The following ANKFN1 variants were observed in gnomAD, a reference collection of about 807,000 sequenced individuals.
ANKFN1 encodes the protein ankyrin repeat and fibronectin type-III domain-containing protein 1.
Under a neutral mutation model 108.7 loss-of-function variants are expected in ANKFN1, and 74 were observed. The ratio of observed to expected loss-of-function variants is 0.68; its 90% CI spans 0.56 to 0.83. The LOEUF (loss-of-function observed/expected upper bound fraction) is 0.83. Among genes scored for constraint, ANKFN1 ranks in the 40% least tolerant of loss-of-function variants. The probability of loss-of-function intolerance (pLI) is 0.00; values close to 1 mark genes in which losing one functional copy is unlikely to be tolerated. For synonymous variants in ANKFN1, 547 were observed against 516.2 expected, an observed-to-expected ratio of 1.06 and a Z score of -0.81; for missense variants, 1,505 against 1,382.3, an observed-to-expected ratio of 1.09 and a Z score of -1.41.
At chr17:56,510,384 G>A in intron 20 of ANKFN1, 89 bp from the exon 21 acceptor site, 1 of 1,100,538 alleles carries the variant, frequency 9.1e-7, no homozygotes, top group East Asian at 2.6e-5. Flanking sequence ...CCCCTTCTAA[G>A]TGCGGGGTCA....
intron 1 of ANKFN1, among the ~76,000 whole-genome samples, chr17:56,170,798 A>ATATG (rs1910604554): frequency 8.7e-6 from 1 of 114,668 alleles, no homozygotes; most frequent in Non-Finnish European, 1.7e-5. Flanking sequence ...ATATATATAT[A>ATATG]TATATATATA....
chr17:56,351,084 A>C, intron 5 of ANKFN1, 117 bp downstream of exon 5: 1 of 982,028 alleles, frequency 1.0e-6, no homozygotes, highest in Non-Finnish European at 1.5e-6. Flanking sequence ...AATTTTATAA[A>C]TGCTGGAATA....
chr17:56,458,043 A>G (rs1280843021), intron 14 of ANKFN1, 64 bp downstream of exon 14: 4 of 1,328,482 alleles, frequency 3.0e-6, no homozygotes, highest in Non-Finnish European at 4.3e-6. Context: ...AAATTCAGTT[A>G]CCAGTCCTAC....
chr17:56,353,878 C>CAGG lies in ANKFN1; in HGVS notation c.435_437dup (p.Gln145_Asp146insGlu), dbSNP rs760908969. ...AGCCATGTTTGAGGCAGTCGAACAG[C>CAGG]AGGACATGGATGCTGTGCAGATCCT... On this transcript the variant is annotated inframe_insertion, in exon 6 of 21. Transcript: ENST00000682825. 6.2e-7 allele frequency: 1 copy of CAGG among 1,613,982 alleles called. No homozygotes were observed. The highest frequency in any genetic ancestry group is 1.3e-5 in the African/African-American group (1 of 75,028).
chr17:56,115,021 T>G (rs1020470843), intron 4 of ANKFN1, among the ~76,000 whole-genome samples: 7 of 152,228 alleles, frequency 4.6e-5, no homozygotes, highest in Admixed American at 3.9e-4. Context: ...GTAGCAACAC[T>G]TTGATTTTAG....
At chr17:56,495,196 C>G (rs2051160734) in intron 19 of ANKFN1, among the ~76,000 whole-genome samples, 2 of 152,122 alleles carry the variant, frequency 1.3e-5, no homozygotes, top group African/African-American at 4.8e-5. Context: ...CTGGGTAAAA[C>G]AAGACCATCT....
At position 56,075,072 on chromosome 17, in the gene ANKFN1, G is replaced by A. The variant is rs574195333; in HGVS notation, c.288+28747G>A. Among the ~76,000 whole-genome samples the A allele has an allele frequency of 1.0e-3, 156 of 152,306 alleles. 1 individual carries two copies. In the South Asian group the frequency reaches 0.014, roughly 13 times the overall value. Reference sequence around the variant, plus strand: ...GAACTTACTCAAGGTCATTAAGCTAGCAGGAAACAGACCCAAACCTCAAGC... The same window carrying A: ...GAACTTACTCAAGGTCATTAAGCTAACAGGAAACAGACCCAAACCTCAAGC... On this transcript the variant is annotated intron_variant, in intron 4 of 12. Transcript: ENST00000635860.
chr17:56,444,600 C>T (rs1183752971), intron 10 of ANKFN1, among the ~76,000 whole-genome samples: 2 of 152,096 alleles, frequency 1.3e-5, no homozygotes, highest in Admixed American at 6.6e-5. Context: ...TGGAGATAAC[C>T]TTTATCAGAC....
chr17:56,464,977 T>C (rs889737385), intron 14 of ANKFN1, among the ~76,000 whole-genome samples: 1 of 152,198 alleles, frequency 6.6e-6, no homozygotes, highest in Non-Finnish European at 1.5e-5. Context: ...AACTGTTAAA[T>C]ATTCGGGGAT....
At chr17:56,154,017 A>G (rs1387529374) in intron 1 of ANKFN1, among the ~76,000 whole-genome samples, 1 of 150,172 alleles carries the variant, frequency 6.7e-6, no homozygotes, top group Non-Finnish European at 1.5e-5. Flanking sequence ...AATTTTTTCT[A>G]AAGTTGGAAG....
intron 4 of ANKFN1, among the ~76,000 whole-genome samples, chr17:56,063,992 G>T (rs936296578): frequency 4.6e-5 from 7 of 152,052 alleles, no homozygotes; most frequent in African/African-American, 1.7e-4. Flanking sequence ...CAATGGCCAG[G>T]TCCCTCTTCT....
intron 4 of ANKFN1, among the ~76,000 whole-genome samples, chr17:56,066,063 G>T (rs765951717): frequency 1.3e-5 from 2 of 152,230 alleles, no homozygotes; most frequent in Admixed American, 6.5e-5. Context: ...GGCCAGAACA[G>T]CAACAACAAA....
intron 3 of ANKFN1, among the ~76,000 whole-genome samples, chr17:56,271,931 A>G (rs2043804991): frequency 6.6e-6 from 1 of 152,194 alleles, no homozygotes; most frequent in African/African-American, 2.4e-5. Flanking sequence ...TCAGATGTAT[A>G]AGTACCAAAC....
chr17:56,100,296 C>A (rs145668761), intron 4 of ANKFN1, among the ~76,000 whole-genome samples: 3 of 152,262 alleles, frequency 2.0e-5, no homozygotes, highest in African/African-American at 7.2e-5. Context: ...CCTGCTGGAG[C>A]TCCTAGGATT....
intron 3 of ANKFN1, among the ~76,000 whole-genome samples, chr17:56,308,579 C>T (rs2044914122): frequency 6.6e-6 from 1 of 151,948 alleles, no homozygotes; most frequent in South Asian, 2.1e-4. Context: ...TTCTTGCTTA[C>T]TATTACTGAC....
chr17:56,353,137 GAGGAAGCCTAC>G (rs1190312706), intron 5 of ANKFN1, among the ~76,000 whole-genome samples: 1 of 152,066 alleles, frequency 6.6e-6, no homozygotes, highest in Non-Finnish European at 1.5e-5. Flanking sequence ...TAAAGACCCT[GAGGAAGCCTAC>G]AGGGAAGTAA....
At chr17:56,048,508 T>C (rs1238072490) in intron 4 of ANKFN1, among the ~76,000 whole-genome samples, 1 of 151,950 alleles carries the variant, frequency 6.6e-6, no homozygotes, top group Non-Finnish European at 1.5e-5. Context: ...AATTAGGAGC[T>C]GTAAAATTAT....
chr17:56,292,752 A>C (rs1259664688), intron 3 of ANKFN1, among the ~76,000 whole-genome samples: 3 of 152,142 alleles, frequency 2.0e-5, no homozygotes, highest in African/African-American at 7.2e-5. Flanking sequence ...CTGCCATCTC[A>C]CCTGGTGAAA....
intron 8 of ANKFN1, among the ~76,000 whole-genome samples, chr17:56,406,311 C>G (rs955126785): frequency 3.9e-5 from 6 of 151,986 alleles, no homozygotes; most frequent in Non-Finnish European, 8.8e-5. Flanking sequence ...TATTGACAAA[C>G]AGGAGAAAAC....
Sources: allele counts gnomAD v4.1 joint callset (sites outside exome capture counted in the v4.1 genomes callset), GRCh38; gene constraint gnomAD v4.1.1; transcripts MANE v1.5; gene names NCBI Gene and HGNC (gene_info 2026-07-23, HGNC 2026-07-21).